The following RPS6KC1 variants were observed in gnomAD, a reference collection of about 807,000 sequenced individuals.
RPS6KC1 encodes inactive ribosomal protein S6 kinase delta-1.
In RPS6KC1, 54 loss-of-function variants were observed where a neutral mutation model predicts 103.8. That is an observed-to-expected ratio of 0.52 (90% CI 0.42 to 0.65). RPS6KC1 has a LOEUF of 0.65. Ranked by LOEUF, RPS6KC1 falls within the 30% of genes least tolerant of loss-of-function variation. The pLI is 0.00. For synonymous variants in RPS6KC1, 439 were observed against 438.7 expected (o/e 1.00, Z -0.01); for missense variants, 1,151 against 1,253.8 (o/e 0.92, Z 1.24).
the RPS6KC1 span, among the ~76,000 whole-genome samples, chr1:213,371,766 G>A: frequency 6.6e-6 from 1 of 152,206 alleles, no homozygotes; most frequent in African/African-American, 2.4e-5. Flanking sequence ...GCTGGGCCAA[G>A]GCAGTGGCCT....
intron 6 of RPS6KC1, among the ~76,000 whole-genome samples, chr1:213,131,509 T>G (rs1321102509): frequency 1.3e-5 from 2 of 152,098 alleles, no homozygotes; most frequent in Admixed American, 1.3e-4. Context: ...AGTGGTATGA[T>G]CTCAGCTCGC....
chr1:213,716,978 AC>A, the RPS6KC1 span, among the ~76,000 whole-genome samples: 1 of 152,218 alleles, frequency 6.6e-6, no homozygotes, highest in African/African-American at 2.4e-5. Flanking sequence ...ATAAGAGAAA[AC>A]CCAAAATTTA....
At chr1:213,297,320 A>G in the RPS6KC1 span, among the ~76,000 whole-genome samples, 1 of 152,294 alleles carries the variant, frequency 6.6e-6, no homozygotes, top group African/African-American at 2.4e-5. Context: ...GCATGTGAGC[A>G]TTTGCTTATG....
chr1:213,316,534 G>A, the RPS6KC1 span, among the ~76,000 whole-genome samples: 22 of 152,188 alleles, frequency 1.4e-4, no homozygotes, highest in Non-Finnish European at 3.2e-4. Context: ...TATGTGCTAG[G>A]CACTACTGAA....
At chr1:213,633,734 T>G in the RPS6KC1 span, among the ~76,000 whole-genome samples, 96 of 151,582 alleles carry the variant, frequency 6.3e-4, no homozygotes, top group African/African-American at 2.3e-3. Context: ...AATGGCCCAA[T>G]TAAAAGACAC....
chr1:213,495,380 G>A, the RPS6KC1 span, among the ~76,000 whole-genome samples: 1 of 151,712 alleles, frequency 6.6e-6, no homozygotes, highest in South Asian at 2.1e-4. Flanking sequence ...GGAATGCAGT[G>A]GCACAATCTC....
the RPS6KC1 span, among the ~76,000 whole-genome samples, chr1:213,549,204 C>T: frequency 6.6e-6 from 1 of 152,118 alleles, no homozygotes. Flanking sequence ...TGGGGCATGA[C>T]CTCTGGGGTG....
chr1:213,743,446 C>T, the RPS6KC1 span, among the ~76,000 whole-genome samples: 5 of 152,154 alleles, frequency 3.3e-5, no homozygotes, highest in African/African-American at 9.7e-5. Flanking sequence ...CACTCACTAC[C>T]TGAGTGCAAT....
the RPS6KC1 span, among the ~76,000 whole-genome samples, chr1:213,627,634 G>C: frequency 6.6e-6 from 1 of 152,114 alleles, no homozygotes; most frequent in Non-Finnish European, 1.5e-5. Context: ...TAGCATGAAG[G>C]GCTGTTGAAT....
chr1:213,362,449 T>A, the RPS6KC1 span, among the ~76,000 whole-genome samples: 7 of 152,180 alleles, frequency 4.6e-5, no homozygotes, highest in Admixed American at 1.3e-4. Flanking sequence ...ATAGAATTGC[T>A]CCCTTTTACA....
intron 8 of RPS6KC1, among the ~76,000 whole-genome samples, chr1:213,196,945 T>C (rs1404579036): frequency 6.6e-6 from 1 of 152,190 alleles, no homozygotes; most frequent in Non-Finnish European, 1.5e-5. Flanking sequence ...CAAGCAATTC[T>C]TCTGCCTCAG....
At chr1:213,097,204 G>C (rs1309014604) in intron 3 of RPS6KC1, among the ~76,000 whole-genome samples, 2 of 152,096 alleles carry the variant, frequency 1.3e-5, no homozygotes, top group Non-Finnish European at 2.9e-5. Context: ...AAATACAAAA[G>C]TTAGCCAGGC....
At chr1:213,813,717 T>G in the RPS6KC1 span, among the ~76,000 whole-genome samples, 1 of 152,102 alleles carries the variant, frequency 6.6e-6, no homozygotes, top group African/African-American at 2.4e-5. Context: ...GTGGTGCTCA[T>G]GGAAGATAGA....
At chr1:213,517,170 A>T in the RPS6KC1 span, among the ~76,000 whole-genome samples, 10 of 143,076 alleles carry the variant, frequency 7.0e-5, no homozygotes, top group Non-Finnish European at 1.5e-4. Flanking sequence ...GATCTTTTCA[A>T]AAAACCAGCT....
the RPS6KC1 span, among the ~76,000 whole-genome samples, chr1:213,554,473 C>A: frequency 1.3e-5 from 2 of 152,256 alleles, no homozygotes; most frequent in African/African-American, 4.8e-5. Context: ...TAGCTTTGTT[C>A]TTTCTGCTTA....
the RPS6KC1 span, among the ~76,000 whole-genome samples, chr1:213,491,648 C>G: frequency 1.3e-5 from 2 of 152,120 alleles, no homozygotes; most frequent in East Asian, 1.9e-4. Context: ...TCAGAGCTGG[C>G]GAACAGGTGA....
intron 6 of RPS6KC1, among the ~76,000 whole-genome samples, chr1:213,159,721 A>G (rs995010247): frequency 6.6e-6 from 1 of 152,240 alleles, no homozygotes; most frequent in Non-Finnish European, 1.5e-5. Context: ...CAGCTGCTCT[A>G]TAGCAAAAGC....
the RPS6KC1 span, among the ~76,000 whole-genome samples, chr1:213,483,352 AAC>A: frequency 3.9e-5 from 6 of 152,226 alleles, no homozygotes; most frequent in African/African-American, 1.4e-4. Flanking sequence ...GCCAAGCTGT[AAC>A]ACAATACGGC....
At chr1:213,582,482 T>G in the RPS6KC1 span, among the ~76,000 whole-genome samples, 1 of 152,194 alleles carries the variant, frequency 6.6e-6, no homozygotes, top group South Asian at 2.1e-4. Context: ...AGGATCACAT[T>G]ATCAGAGGTG....
Sources: allele counts gnomAD v4.1 joint callset (sites outside exome capture counted in the v4.1 genomes callset), GRCh38; gene constraint gnomAD v4.1.1; transcripts MANE v1.5; gene names NCBI Gene and HGNC (gene_info 2026-07-23, HGNC 2026-07-21).